Variants in UGT1A8 observed in about 807,000 individuals in gnomAD.
The protein encoded by UGT1A8 is UDP-glucuronosyltransferase 1A8.
Under a neutral mutation model 45.3 loss-of-function variants are expected in UGT1A8, and 39 were observed. That is an observed-to-expected ratio of 0.86 (90% CI 0.67 to 1.12). UGT1A8 has a LOEUF of 1.12. Ranked by LOEUF, UGT1A8 falls within the 50% of genes most tolerant of loss-of-function variation. The pLI is 0.00. For missense variants in UGT1A8, 719 were observed against 664.9 expected, an observed-to-expected ratio of 1.08 and a Z score of -0.90; for synonymous variants, 275 against 249.2, an observed-to-expected ratio of 1.10 and a Z score of -0.97.
chr2:233,642,952 A>T (rs2073493815), intron 1 of UGT1A8, among the ~76,000 whole-genome samples: 1 of 152,110 alleles, frequency 6.6e-6, no homozygotes, highest in African/African-American at 2.4e-5. Context: ...GTGGAGTGAC[A>T]CAAGCATCCT....
intron 1 of UGT1A8, among the ~76,000 whole-genome samples, chr2:233,640,686 G>A (rs915556205): frequency 6.6e-6 from 1 of 152,088 alleles, no homozygotes; most frequent in African/African-American, 2.4e-5. Context: ...GTCCAACAGT[G>A]ACCCTCCCCA....
intron 1 of UGT1A8, among the ~76,000 whole-genome samples, chr2:233,627,301 C>A (rs1485279397): frequency 6.6e-6 from 1 of 151,972 alleles, no homozygotes; most frequent in Non-Finnish European, 1.5e-5. Context: ...TTTTGCTTGG[C>A]AGAGGCTGCT....
At chr2:233,637,287 G>T (rs776259133) in intron 1 of UGT1A8, 3 of 1,613,830 alleles carry the variant, frequency 1.9e-6, no homozygotes, top group Admixed American at 1.7e-5. Context: ...TGTTGCGAAC[G>T]GACTTTGTTT....
intron 1 of UGT1A8, among the ~76,000 whole-genome samples, chr2:233,704,813 G>T (rs944925351): frequency 6.6e-6 from 1 of 152,102 alleles, no homozygotes; most frequent in South Asian, 2.1e-4. Flanking sequence ...TATGTATATT[G>T]CTTTTTAGGA....
At chr2:233,726,524 T>C (rs1232953438) in intron 1 of UGT1A8, among the ~76,000 whole-genome samples, 1 of 152,258 alleles carries the variant, frequency 6.6e-6, no homozygotes, top group East Asian at 1.9e-4. Flanking sequence ...TTTTCCACTT[T>C]TAGGGAGATG....
chr2:233,768,295 C>A lies in UGT1A8; in HGVS notation c.1151C>A (p.Pro384His). 1.9e-6 allele frequency: 3 copies of A among 1,614,158 alleles called. No individual in the cohort carries two copies. Among genetic ancestry groups the A allele is most frequent in the South Asian group, 2.2e-5 (2 of 91,082 alleles). ...GVYESICNGV[P>H]MVMMPLFGDQ... The stretch of plus-strand genomic sequence containing the variant: ...TATGAAAGCATATGCAATGGCGTTC[C>A]CATGGTGATGATGCCCTTGTTTGGT... Residue 384 changes from proline (P) to histidine (H), a missense_variant, in exon 4 of 5, where the codon CCC (proline) becomes CAC (histidine). Coordinates refer to ENST00000373450, the MANE Select transcript of UGT1A8 (RefSeq NM_019076.5).
intron 1 of UGT1A8, among the ~76,000 whole-genome samples, chr2:233,678,518 CTG>C (rs973088303): frequency 5.3e-5 from 8 of 152,070 alleles, no homozygotes; most frequent in Admixed American, 5.2e-4. Flanking sequence ...TAATTACTGT[CTG>C]TTTTTTTCTC....
chr2:233,733,972 G>A (rs2078461884), intron 1 of UGT1A8, among the ~76,000 whole-genome samples: 1 of 152,042 alleles, frequency 6.6e-6, no homozygotes, highest in South Asian at 2.1e-4. Flanking sequence ...AGGGGGAGCG[G>A]GGAGGGATAG....
At position 233,705,257 on chromosome 2, in the gene UGT1A8, T is replaced by TG. The variant is rs748102804; in HGVS notation, c.856-61773dup. Among the ~76,000 whole-genome samples the TG allele has an allele frequency of 1.7e-4, 26 of 152,354 alleles. No homozygotes were observed. The South Asian group carries it at 5.0e-3, about 29-fold the overall frequency. ...TTCTGTATGAATTCAGATTATTCTA[T>TG]GGGGTCACTTGCTTTCAACCTGAAG... On this transcript the variant is annotated intron_variant, in intron 1 of 4. Coordinates refer to ENST00000373450, the MANE Select transcript of UGT1A8 (RefSeq NM_019076.5).
intron 1 of UGT1A8, among the ~76,000 whole-genome samples, chr2:233,646,934 A>C (rs985052326): frequency 3.3e-5 from 5 of 152,208 alleles, no homozygotes; most frequent in African/African-American, 1.2e-4. Context: ...GCTGCTGATA[A>C]AGACATGCCT....
At chr2:233,690,514 T>A in intron 1 of UGT1A8, 3 of 1,289,746 alleles carry the variant, frequency 2.3e-6, no homozygotes, top group Non-Finnish European at 3.0e-6. Flanking sequence ...ATTTGTTTTA[T>A]CTTAGGATCT....
intron 1 of UGT1A8, among the ~76,000 whole-genome samples, chr2:233,627,624 TCTTCCTTCCTTCCTTCCTTCCTTCCTTC>T (rs4047191): frequency 1.2e-4 from 13 of 111,934 alleles, no homozygotes; most frequent in African/African-American, 4.3e-4. Flanking sequence ...TTCCTTCCTT[TCTTCCTTCCTTCCTTCCTTCCTTCCTTC>T]CTTCCTTCCT....
At chr2:233,690,381 G>T in intron 1 of UGT1A8, 3 of 1,010,228 alleles carry the variant, frequency 3.0e-6, no homozygotes, top group Non-Finnish European at 4.0e-6. Context: ...TAGGGTCCAC[G>T]TTTCCAGACC....
intron 1 of UGT1A8, among the ~76,000 whole-genome samples, chr2:233,653,509 T>C (rs2073787186): frequency 6.6e-6 from 1 of 152,236 alleles, no homozygotes; most frequent in East Asian, 1.9e-4. Flanking sequence ...AAAAATGACC[T>C]GAGACTTATC....
chr2:233,742,128 C>T (rs1691880797), intron 1 of UGT1A8, among the ~76,000 whole-genome samples: 1 of 151,756 alleles, frequency 6.6e-6, no homozygotes, highest in Admixed American at 6.5e-5. Flanking sequence ...TCGTGGAGAC[C>T]CTAACCCAGC....
rs1311139649 is a variant in UGT1A8, at chr2:233,745,502, A to G, written c.856-21532A>G. 2.0e-5 allele frequency among the ~76,000 whole-genome samples: 3 copies of G among 151,662 alleles called. 1 individual carries two copies. The highest frequency in any genetic ancestry group is 7.3e-5 in the African/African-American group (3 of 40,986). On this transcript the variant is annotated intron_variant, in intron 1 of 4. Coordinates refer to ENST00000373450, the MANE Select transcript of UGT1A8 (RefSeq NM_019076.5). ...ACCAAAGAACATTCTAAGATTTCCT[A>G]TAGGGTATTAGGTCTAATGGGGATG...
chr2:233,629,141 G>C lies in UGT1A8; in HGVS notation c.855+10579G>C, dbSNP rs188327326. Among the ~76,000 whole-genome samples, 380 of 152,054 alleles carry C rather than the reference G, an allele frequency of 2.5e-3. 2 individuals are homozygous for C. The highest frequency in any genetic ancestry group is 2.4e-3 in the Non-Finnish European group (161 of 67,942). On this transcript the variant is annotated intron_variant, in intron 1 of 4. Coordinates refer to ENST00000373450, the MANE Select transcript of UGT1A8 (RefSeq NM_019076.5). ...CCATTCCCCCCTCCTCTCAGCCCTTGCCAACCAGCATTCCACTCTTTTATT... is the reference window on the plus strand; with the variant it reads ...CCATTCCCCCCTCCTCTCAGCCCTTCCCAACCAGCATTCCACTCTTTTATT...
At chr2:233,733,279 T>C (rs2078376954) in intron 1 of UGT1A8, among the ~76,000 whole-genome samples, 1 of 152,208 alleles carries the variant, frequency 6.6e-6, no homozygotes, top group Non-Finnish European at 1.5e-5. Flanking sequence ...CTTCCTCTTT[T>C]CCTAATTGAA....
intron 1 of UGT1A8, chr2:233,747,824 C>T (rs1693787782): frequency 6.2e-7 from 1 of 1,613,430 alleles, no homozygotes; most frequent in Admixed American, 1.7e-5. Context: ...ATTCAGACCA[C>T]ATGACATTCC....
Sources: gnomAD v4.1 joint callset for allele counts (sites outside exome capture counted in the v4.1 genomes callset) on GRCh38, gnomAD v4.1.1 for gene constraint, MANE v1.5 for transcripts, NCBI Gene and HGNC (gene_info 2026-07-23, HGNC 2026-07-21) for gene names.